CSMD1: variants seen among roughly 807,000 people sequenced by gnomAD.
The protein encoded by CSMD1 is CUB and sushi domain-containing protein 1.
CSMD1 carries 213 observed loss-of-function variants against 417.5 expected under a neutral mutation model. That is an observed-to-expected ratio of 0.51 (90% CI 0.46 to 0.57). The LOEUF (loss-of-function observed/expected upper bound fraction) is 0.57. Among genes scored for constraint, CSMD1 ranks in the 20% least tolerant of loss-of-function variants. The pLI, the probability that CSMD1 is intolerant of heterozygous loss-of-function variation, is 0.00. For synonymous variants in CSMD1, 2,862 were observed against 1,736.8 expected (o/e 1.65, Z -16.11); for missense variants, 6,923 against 4,529.7 (o/e 1.53, Z -15.17).
At chr8:3,362,990 C>T (rs540364458) in intron 20 of CSMD1, among the ~76,000 whole-genome samples, 1 of 152,328 alleles carries the variant, frequency 6.6e-6, no homozygotes, top group Admixed American at 6.5e-5. Context: ...ATGCAACATC[C>T]TGAGTTAACA....
intron 7 of CSMD1, among the ~76,000 whole-genome samples, chr8:3,663,617 C>T (rs986565630): frequency 6.6e-6 from 1 of 152,160 alleles, no homozygotes; most frequent in Non-Finnish European, 1.5e-5. Context: ...CTGATTGCCT[C>T]CTTTGGAAAG....
chr8:3,451,973 G>A (rs1445000689), intron 12 of CSMD1, among the ~76,000 whole-genome samples: 3 of 150,072 alleles, frequency 2.0e-5, no homozygotes. Flanking sequence ...CCATTTGTTT[G>A]TCTCCTCTTT....
chr8:4,308,373 C>T (rs1798366667), intron 3 of CSMD1, among the ~76,000 whole-genome samples: 1 of 151,450 alleles, frequency 6.6e-6, no homozygotes, highest in Non-Finnish European at 1.5e-5. Flanking sequence ...AGTGTGTGTT[C>T]TGTGCACAGT....
At position 3,000,302 on chromosome 8, in the gene CSMD1, AT is replaced by A. The variant is rs796222558; in HGVS notation, c.8030-172del. Among the ~76,000 whole-genome samples, 34 of 149,972 alleles carry A rather than the reference AT, an allele frequency of 2.3e-4. No homozygotes were observed. The South Asian group carries it at 4.7e-3, about 21-fold the overall frequency. On this transcript the variant is annotated intron_variant, in intron 52 of 69. Transcript: ENST00000635120. ...AAATATAGTTTTTCTTTTTTTTATT[AT>A]TTTTTTTCAGAAATCCTGGAAAAAA...
chr8:3,899,485 A>G (rs1563190954), intron 5 of CSMD1, among the ~76,000 whole-genome samples: 1 of 152,154 alleles, frequency 6.6e-6, no homozygotes, highest in Non-Finnish European at 1.5e-5. Context: ...GTGGGTAGAA[A>G]CTAGACCTGG....
chr8:3,521,561 A>C (rs1024508931), intron 10 of CSMD1, among the ~76,000 whole-genome samples: 1 of 152,176 alleles, frequency 6.6e-6, no homozygotes, highest in Non-Finnish European at 1.5e-5. Context: ...GTTACTCCCA[A>C]GTTGGATCTA....
chr8:4,030,439 C>A (rs1161223279), intron 4 of CSMD1, among the ~76,000 whole-genome samples: 5 of 152,234 alleles, frequency 3.3e-5, no homozygotes, highest in Admixed American at 1.3e-4. Flanking sequence ...TTGAGGCTTA[C>A]ATCCTCTGAT....
intron 39 of CSMD1, 34 bp from the exon 40 acceptor site, chr8:3,151,547 C>G (rs749139764): frequency 2.9e-6 from 4 of 1,357,118 alleles, no homozygotes; most frequent in Non-Finnish European, 4.2e-6. Context: ...TCCTGCAGGT[C>G]CTCACTTTCT....
chr8:3,759,973 A>T (rs928659301), intron 5 of CSMD1, among the ~76,000 whole-genome samples: 2 of 151,466 alleles, frequency 1.3e-5, no homozygotes. Context: ...GTCTTCCCGC[A>T]TTAATTCAGA....
chr8:3,818,747 C>T (rs1415141556), intron 5 of CSMD1, among the ~76,000 whole-genome samples: 1 of 152,182 alleles, frequency 6.6e-6, no homozygotes, highest in Non-Finnish European at 1.5e-5. Flanking sequence ...TCAAGATAGA[C>T]AGATGGTGTT....
intron 39 of CSMD1, among the ~76,000 whole-genome samples, chr8:3,154,400 C>A (rs1193980794): frequency 6.6e-6 from 1 of 152,126 alleles, no homozygotes; most frequent in Non-Finnish European, 1.5e-5. Flanking sequence ...CATGCCAGAC[C>A]CTTTCTTATA....
intron 7 of CSMD1, among the ~76,000 whole-genome samples, chr8:3,645,802 C>A (rs1482208): frequency 0.29 from 43,797 of 151,984 alleles, 6,617 homozygotes; most frequent in Middle Eastern, 0.38. Context: ...CAAAACAAAG[C>A]TGTCTATTCA....
chr8:3,977,406 G>C (rs1198829032), intron 5 of CSMD1, among the ~76,000 whole-genome samples: 3 of 152,008 alleles, frequency 2.0e-5, no homozygotes, highest in Non-Finnish European at 4.4e-5. Flanking sequence ...TAAAGGTTTT[G>C]TTTTTGTTGT....
intron 5 of CSMD1, among the ~76,000 whole-genome samples, chr8:3,839,264 T>G (rs1360475908): frequency 8.0e-6 from 1 of 125,046 alleles, no homozygotes; most frequent in Non-Finnish European, 1.6e-5. Context: ...ATTACTTATA[T>G]ATACTATTAA....
At chr8:3,882,204 G>C (rs1806251440) in intron 5 of CSMD1, among the ~76,000 whole-genome samples, 1 of 151,678 alleles carries the variant, frequency 6.6e-6, no homozygotes, top group Non-Finnish European at 1.5e-5. Flanking sequence ...AAGAAAGAGA[G>C]AGACAACCCA....
At chr8:3,496,974 CTAATTT>C (rs547314570) in intron 10 of CSMD1, among the ~76,000 whole-genome samples, 63 of 152,224 alleles carry the variant, frequency 4.1e-4, no homozygotes, top group Admixed American at 1.8e-3. Flanking sequence ...TTATTTATTT[CTAATTT>C]TATCTGTTAC....
At chr8:4,826,836 T>A (rs893240981) in intron 1 of CSMD1, among the ~76,000 whole-genome samples, 1 of 152,268 alleles carries the variant, frequency 6.6e-6, no homozygotes, top group South Asian at 2.1e-4. Flanking sequence ...CTATAACATT[T>A]ATGTTATTAG....
At chr8:4,698,426 C>T (rs1243088707) in intron 1 of CSMD1, among the ~76,000 whole-genome samples, 1 of 152,102 alleles carries the variant, frequency 6.6e-6, no homozygotes, top group African/African-American at 2.4e-5. Flanking sequence ...CTGCATAAAA[C>T]AGGCTTGGTG....
intron 3 of CSMD1, among the ~76,000 whole-genome samples, chr8:4,193,866 A>G (rs1799182399): frequency 1.3e-5 from 2 of 152,018 alleles, no homozygotes; most frequent in African/African-American, 4.8e-5. Context: ...TTCAGCACCG[A>G]GAAGCCTCAG....
Sources: gnomAD v4.1 joint callset for allele counts (sites outside exome capture counted in the v4.1 genomes callset) on GRCh38, gnomAD v4.1.1 for gene constraint, MANE v1.5 for transcripts, NCBI Gene and HGNC (gene_info 2026-07-23, HGNC 2026-07-21) for gene names.